The following EDIL3 variants were observed in gnomAD, a reference collection of about 807,000 sequenced individuals.
EDIL3 encodes EGF-like repeat and discoidin I-like domain-containing protein 3.
Under a neutral mutation model 67.4 loss-of-function variants are expected in EDIL3, and 37 were observed. The ratio of observed to expected loss-of-function variants is 0.55; its 90% CI spans 0.42 to 0.72. The LOEUF (loss-of-function observed/expected upper bound fraction) is 0.72. EDIL3 is among the 30% of genes least tolerant of loss of function. The pLI is 0.00. For missense variants in EDIL3, 527 were observed against 586.3 expected, an observed-to-expected ratio of 0.90 and a Z score of 1.04; for synonymous variants, 195 against 196.3, an observed-to-expected ratio of 0.99 and a Z score of 0.05.
chr5:84,360,642 A>C (rs1269283672), intron 1 of EDIL3, among the ~76,000 whole-genome samples: 1 of 152,174 alleles, frequency 6.6e-6, no homozygotes. Context: ...GTAAACATGG[A>C]AAGGAAAATA....
At chr5:83,966,698 G>A (rs1177063259) in intron 9 of EDIL3, among the ~76,000 whole-genome samples, 9 of 151,988 alleles carry the variant, frequency 5.9e-5, no homozygotes, top group Admixed American at 3.3e-4. Context: ...GACTTTATGA[G>A]AATAAGATGA....
At chr5:83,968,036 A>C (rs1384296542) in intron 9 of EDIL3, among the ~76,000 whole-genome samples, 1 of 152,294 alleles carries the variant, frequency 6.6e-6, no homozygotes, top group Non-Finnish European at 1.5e-5. Context: ...CTTATAGGCA[A>C]CGTATTTAAT....
intron 5 of EDIL3, among the ~76,000 whole-genome samples, chr5:84,110,795 T>C (rs1209165084): frequency 6.6e-6 from 1 of 152,210 alleles, no homozygotes; most frequent in Non-Finnish European, 1.5e-5. Flanking sequence ...TTATGCATCC[T>C]AGGGGAGGCA....
chr5:84,267,892 T>C (rs1745381455), intron 1 of EDIL3, among the ~76,000 whole-genome samples: 1 of 152,124 alleles, frequency 6.6e-6, no homozygotes, highest in Non-Finnish European at 1.5e-5. Flanking sequence ...ATCCTAACAC[T>C]TTGGGAGGCC....
chr5:83,989,642 A>T (rs1745115515), intron 9 of EDIL3, among the ~76,000 whole-genome samples: 1 of 152,210 alleles, frequency 6.6e-6, no homozygotes, highest in Non-Finnish European at 1.5e-5. Flanking sequence ...TATGGACTTT[A>T]GGTGTGGTGG....
chr5:84,357,501 C>T (rs1033844277), intron 1 of EDIL3, among the ~76,000 whole-genome samples: 18 of 152,242 alleles, frequency 1.2e-4, no homozygotes, highest in African/African-American at 4.1e-4. Context: ...ATTATACAGA[C>T]ACCCTTTAAG....
At chr5:84,115,718 G>A (rs949518167) in intron 5 of EDIL3, among the ~76,000 whole-genome samples, 3 of 152,296 alleles carry the variant, frequency 2.0e-5, no homozygotes, top group South Asian at 2.1e-4. Flanking sequence ...TGAAACATTT[G>A]TCTGTAAAGT....
intron 9 of EDIL3, among the ~76,000 whole-genome samples, chr5:84,001,337 T>TAGCC (rs1745327486): frequency 6.6e-6 from 1 of 152,010 alleles, no homozygotes; most frequent in African/African-American, 2.4e-5. Context: ...AAATGCTGGG[T>TAGCC]GGCTGTGAGC....
intron 9 of EDIL3, among the ~76,000 whole-genome samples, chr5:84,003,780 A>G (rs1228684055): frequency 6.6e-6 from 1 of 152,138 alleles, no homozygotes; most frequent in Non-Finnish European, 1.5e-5. Flanking sequence ...CTACCTAACA[A>G]TCAGCTAACA....
intron 6 of EDIL3, among the ~76,000 whole-genome samples, chr5:84,084,959 A>T (rs1486258187): frequency 6.6e-6 from 1 of 152,228 alleles, no homozygotes; most frequent in East Asian, 1.9e-4. Context: ...TTCACCTTGC[A>T]TTGTAATTTA....
chr5:84,355,799 C>T (rs1747468346), intron 1 of EDIL3, among the ~76,000 whole-genome samples: 1 of 152,138 alleles, frequency 6.6e-6, no homozygotes, highest in Non-Finnish European at 1.5e-5. Context: ...TGTCCCTTTG[C>T]AGAGCTCAAG....
intron 5 of EDIL3, among the ~76,000 whole-genome samples, chr5:84,112,295 G>T (rs1157101160): frequency 6.6e-6 from 1 of 152,108 alleles, no homozygotes; most frequent in African/African-American, 2.4e-5. Context: ...GAAAAATAAT[G>T]CAGATCTGAA....
At chr5:84,182,403 T>G (rs2112359351) in intron 3 of EDIL3, among the ~76,000 whole-genome samples, 1 of 151,352 alleles carries the variant, frequency 6.6e-6, no homozygotes, top group African/African-American at 2.4e-5. Flanking sequence ...CTGCAGTGAG[T>G]TAAGATCACA....
intron 4 of EDIL3, among the ~76,000 whole-genome samples, chr5:84,165,811 A>T (rs1473644466): frequency 1.3e-5 from 2 of 152,132 alleles, no homozygotes; most frequent in African/African-American, 4.8e-5. Context: ...AGTGCTGAAT[A>T]AGTGCTTGTA....
intron 1 of EDIL3, among the ~76,000 whole-genome samples, chr5:84,379,487 G>T (rs945610406): frequency 6.6e-6 from 1 of 152,128 alleles, no homozygotes; most frequent in Non-Finnish European, 1.5e-5. Context: ...TGCAGTAGAT[G>T]CATAGGAATA....
intron 4 of EDIL3, among the ~76,000 whole-genome samples, chr5:84,152,181 G>T (rs1748408482): frequency 6.6e-6 from 1 of 152,214 alleles, no homozygotes; most frequent in South Asian, 2.1e-4. Context: ...GCCTCTTAAA[G>T]TGCTGGGATT....
chr5:84,051,871 T>C lies in EDIL3; in HGVS notation c.1137+8429A>G, dbSNP rs568690743. Among the ~76,000 whole-genome samples the C allele has an allele frequency of 9.9e-5, 15 of 152,278 alleles. No individual in the cohort carries two copies. The South Asian group carries it at 1.2e-3, about 13-fold the overall frequency. On this transcript the variant is annotated intron_variant, in intron 9 of 10. Coordinates refer to ENST00000296591, the MANE Select transcript of EDIL3 (RefSeq NM_005711.5). ...AAGTGACGGGGAGAATGGAACCAAG[T>C]TGGAAAACAGTCTGCAGGATATCAT...
At chr5:84,129,978 C>A (rs560836042) in intron 5 of EDIL3, among the ~76,000 whole-genome samples, 1 of 152,106 alleles carries the variant, frequency 6.6e-6, no homozygotes, top group Admixed American at 6.5e-5. Context: ...TTCTTAAAGA[C>A]AAAGGATCTG....
chr5:83,975,349 A>G (rs1054607129), intron 9 of EDIL3, among the ~76,000 whole-genome samples: 44 of 152,130 alleles, frequency 2.9e-4, no homozygotes, highest in African/African-American at 9.1e-4. Flanking sequence ...TGTACTTTCT[A>G]TTACTATAAA....
Sources: allele counts gnomAD v4.1 joint callset (sites outside exome capture counted in the v4.1 genomes callset), GRCh38; gene constraint gnomAD v4.1.1; transcripts MANE v1.5; gene names NCBI Gene and HGNC (gene_info 2026-07-23, HGNC 2026-07-21).